DNAH17: variants seen among roughly 807,000 people sequenced by gnomAD.
The protein encoded by DNAH17 is axonemal beta dynein heavy chain 17.
A neutral mutation model predicts 485.6 loss-of-function variants in DNAH17; 376 were observed. The observed-to-expected ratio is 0.77, with a 90% CI of 0.71 to 0.84. The LOEUF (loss-of-function observed/expected upper bound fraction) is 0.84. DNAH17 is among the 40% of genes least tolerant of loss of function. The pLI is 0.00. For missense variants in DNAH17, 6,370 were observed against 5,839.3 expected (o/e 1.09, Z -2.96); for synonymous variants, 3,031 against 2,405.9 (o/e 1.26, Z -7.60).
At chr17:78,433,603 CAG>C (rs1474375724) in intron 75 of DNAH17, among the ~76,000 whole-genome samples, 3 of 152,304 alleles carry the variant, frequency 2.0e-5, no homozygotes, top group African/African-American at 7.2e-5. Context: ...CAGACACTGA[CAG>C]AGCCGTGGTG....
rs752234872 is a variant in DNAH17 at position 78,454,560 on chromosome 17, G to A, written c.10316C>T (p.Pro3439Leu). The A allele has an allele frequency of 9.3e-6, 15 of 1,613,064 alleles. No homozygotes were observed. The highest frequency in any genetic ancestry group is 1.3e-5 in the African/African-American group (1 of 74,810). ...TTGGAGCTGGGCGTCCACGATCAGCGGCCACCGCTCGGTGTTGCCCAGGAT... is the reference window on the plus strand; with the variant it reads ...TTGGAGCTGGGCGTCCACGATCAGCAGCCACCGCTCGGTGTTGCCCAGGAT... ...ATILGNTERW[P>L]LIVDAQLQGI... Residue 3439 changes from proline to leucine, a missense_variant, in exon 64 of 81, where the codon CCG becomes CTG. Pro to Leu is a moderately conservative substitution (Grantham distance 98). Coordinates refer to ENST00000389840, the MANE Select transcript of DNAH17 (RefSeq NM_173628.4).
intron 17 of DNAH17, among the ~76,000 whole-genome samples, chr17:78,541,683 C>G (rs948968581): frequency 1.3e-5 from 2 of 152,022 alleles, no homozygotes; most frequent in Non-Finnish European, 2.9e-5. Flanking sequence ...TCTTAGGCTC[C>G]TGTCCCTGCT....
Position 78,444,699 on chromosome 17 carries a change from C to T in DNAH17, c.11433G>A (p.Lys3811=), listed in dbSNP as rs146286669. The T allele has an allele frequency of 1.5e-4, 244 of 1,609,922 alleles. No individual in the cohort carries two copies. The highest frequency in any genetic ancestry group is 1.9e-4 in the Non-Finnish European group (221 of 1,178,678). Residue 3811 remains lysine (K), a synonymous_variant, in exon 71 of 81, where the codon AAG becomes AAA. Coordinates refer to ENST00000389840, the MANE Select transcript of DNAH17 (RefSeq NM_173628.4). ...TCTTCCACTCCTTGGGGAAGATCTC[C>T]TTCTCGGGGGCTTCCGACTCCACCA... is the stretch of plus-strand genomic sequence containing the variant. The part of the protein sequence containing the change: ...KKLVESEAPE[K]EIFPKEWKNK...
At chr17:78,424,267 C>A in intron 80 of DNAH17, 114 bp from the exon 81 acceptor site, 2 of 1,345,202 alleles carry the variant, frequency 1.5e-6, no homozygotes, top group Non-Finnish European at 2.0e-6. Context: ...GGCTCTACCC[C>A]AAAAGGCTTC....
rs1005369966 is a variant in DNAH17 at position 78,566,857 on chromosome 17, C to G, written c.1453-127G>C. On this transcript the variant is annotated intron_variant, in intron 10 of 80. Coordinates refer to ENST00000389840, the MANE Select transcript of DNAH17 (RefSeq NM_173628.4). ...GCAGCTGAATGTGCTGTTGCGGGGA[C>G]CGCTCTACACAGTTTTCAAAGTGTT... The G allele has an allele frequency of 3.1e-6, 4 of 1,295,462 alleles. No individual in the cohort carries two copies. In the African/African-American group the frequency reaches 6.0e-5, roughly 19 times the overall value. 80.2% of individuals were successfully genotyped at this position (1,295,462 alleles called of 1,614,324 possible). A position where few individuals can be genotyped will look rare whatever the true frequency, so the allele number is the denominator to read the frequency against.
chr17:78,532,952 T>A, intron 19 of DNAH17: 1 of 524,512 alleles, frequency 1.9e-6, no homozygotes, highest in South Asian at 2.1e-5. Flanking sequence ...GATGCCAAAC[T>A]TAGTGGATAG....
In DNAH17 at chr17:78,574,917, G is replaced by C. The variant is rs370459386; in HGVS notation, c.141C>G (p.Pro47=). 3 of 1,613,860 alleles carry C rather than the reference G, an allele frequency of 1.9e-6. No individual in the cohort carries two copies. Among genetic ancestry groups the C allele is most frequent in the African/African-American group, 1.3e-5 (1 of 74,914 alleles). Residue 47 remains proline (P), a synonymous_variant, in exon 2 of 81, where the codon CCC becomes CCG. Transcript: ENST00000389840. ...GCGTCAGCACCAGCACCTGGACGTC[G>C]GGCTTTTCAAAGAACTCTGTGAACA... ...VALFTEFFEK[P]DVQVLVLTLN...
intron 37 of DNAH17, among the ~76,000 whole-genome samples, chr17:78,497,971 C>A (rs1238687955): frequency 6.6e-6 from 1 of 151,986 alleles, no homozygotes; most frequent in Admixed American, 6.6e-5. Flanking sequence ...GGAGAAACCC[C>A]ATCTCTACTA....
intron 51 of DNAH17, 113 bp downstream of exon 51, chr17:78,478,912 C>T (rs1598534063): frequency 2.5e-6 from 2 of 793,068 alleles, no homozygotes; most frequent in Non-Finnish European, 4.1e-6. Flanking sequence ...ATCATTACCA[C>T]CATCACCACC....
In DNAH17 at chr17:78,466,687, C is replaced by T. The variant is rs770150817; in HGVS notation, c.8908G>A (p.Ala2970Thr). 24 of 1,611,918 alleles carry T rather than the reference C, an allele frequency of 1.5e-5. No individual in the cohort carries two copies. The highest frequency in any genetic ancestry group is 3.3e-4 in the Middle Eastern group (2 of 6,056). Residue 2970 changes from alanine to threonine, a missense_variant, in exon 56 of 81, where the codon GCC becomes ACC. Physicochemically the swap from Ala to Thr is moderately conservative, Grantham distance 58. Transcript: ENST00000389840. ...WPEDALVSVS[A>T]RFLEETEGIP... The stretch of plus-strand genomic sequence containing the variant: ...CCCTCAGTCTCCTCCAGGAAGCGGG[C>T]GCTGACGGACACCAGCGCATCTTCC...
chr17:78,456,870 A>G (rs1420409367), intron 62 of DNAH17, among the ~76,000 whole-genome samples: 1 of 152,162 alleles, frequency 6.6e-6, no homozygotes, highest in Non-Finnish European at 1.5e-5. Context: ...CAACTGGCCC[A>G]TCAGTGGCAG....
At chr17:78,499,189 C>T in intron 36 of DNAH17, 77 bp from the exon 37 acceptor site, 9 of 1,048,956 alleles carry the variant, frequency 8.6e-6, no homozygotes, top group Non-Finnish European at 1.2e-5. Flanking sequence ...CCTCCCCCTG[C>T]CTCTTCGGCT....
chr17:78,447,223 G>A (rs921323960), intron 69 of DNAH17, among the ~76,000 whole-genome samples: 9 of 152,178 alleles, frequency 5.9e-5, no homozygotes, highest in South Asian at 4.1e-4. Flanking sequence ...CTCAGTGCCC[G>A]GCCTCATCTG....
At chr17:78,526,542 T>A in intron 24 of DNAH17, 109 bp downstream of exon 24, 2 of 922,910 alleles carry the variant, frequency 2.2e-6, no homozygotes, top group Non-Finnish European at 3.2e-6. Flanking sequence ...GGCCCCAAGG[T>A]CAGTCCGGCG....
chr17:78,557,933 C>T lies in DNAH17; in HGVS notation c.2178+175G>A, dbSNP rs139840027. Among the ~76,000 whole-genome samples the T allele has an allele frequency of 8.7e-3, 1,318 of 152,212 alleles. 17 individuals carry two copies. Among genetic ancestry groups the T allele is most frequent in the Admixed American group, 0.011 (172 of 15,288 alleles). Reference sequence around the variant, plus strand: ...GACTCCCTGGCTCAGGAATTTATCCCAAGCACATACACATAGCAGGTACTC... The same window carrying T: ...GACTCCCTGGCTCAGGAATTTATCCTAAGCACATACACATAGCAGGTACTC... On this transcript the variant is annotated intron_variant, in intron 14 of 80. Coordinates refer to ENST00000389840, the MANE Select transcript of DNAH17 (RefSeq NM_173628.4).
At chr17:78,465,653 C>G (rs2088399394) in intron 56 of DNAH17, among the ~76,000 whole-genome samples, 2 of 150,434 alleles carry the variant, frequency 1.3e-5, no homozygotes, top group African/African-American at 4.9e-5. Context: ...GCGTCTCTGC[C>G]TGGCCGCCCC....
chr17:78,427,242 G>A, intron 77 of DNAH17, 134 bp from the exon 78 acceptor site: 1 of 824,858 alleles, frequency 1.2e-6, no homozygotes, highest in South Asian at 1.7e-5. Flanking sequence ...AGAGTTGCCA[G>A]AAATGCAGGG....
At chr17:78,468,569 G>T in intron 55 of DNAH17, 48 bp downstream of exon 55, 1 of 1,581,380 alleles carries the variant, frequency 6.3e-7, no homozygotes, top group South Asian at 1.2e-5. Context: ...TGTAGGCCAC[G>T]GGCACCAAGC....
chr17:78,524,845 C>A (rs763841203), intron 25 of DNAH17, among the ~76,000 whole-genome samples, 164 bp downstream of exon 25: 2 of 152,174 alleles, frequency 1.3e-5, no homozygotes, highest in Non-Finnish European at 2.9e-5. Context: ...GCGGAGGGAC[C>A]CCACCTCGCG....
Sources: gnomAD v4.1 joint callset for allele counts (sites outside exome capture counted in the v4.1 genomes callset) on GRCh38, gnomAD v4.1.1 for gene constraint, MANE v1.5 for transcripts, NCBI Gene and HGNC (gene_info 2026-07-23, HGNC 2026-07-21) for gene names.